UBE2E2: variants seen among roughly 807,000 people sequenced by gnomAD.
The protein encoded by UBE2E2 is ubiquitin conjugating enzyme E2 E2.
UBE2E2 carries 6 observed loss-of-function variants against 24.7 expected under a neutral mutation model. The observed-to-expected ratio is 0.24, with a 90% confidence interval of 0.13 to 0.48. The LOEUF (loss-of-function observed/expected upper bound fraction) is 0.48. Among genes scored for constraint, UBE2E2 ranks in the 20% least tolerant of loss-of-function variants. UBE2E2 has a pLI of 0.99. For synonymous variants in UBE2E2, 104 were observed against 83.6 expected, an observed-to-expected ratio of 1.24 and a Z score of -1.33; for missense variants, 169 against 245.0, an observed-to-expected ratio of 0.69 and a Z score of 2.07.
At chr3:23,384,934 CTTT>C (rs966148804) in intron 3 of UBE2E2, among the ~76,000 whole-genome samples, 1 of 151,284 alleles carries the variant, frequency 6.6e-6, no homozygotes, top group East Asian at 1.9e-4. Flanking sequence ...AATATTTCTT[CTTT>C]TTTTTTCTTT....
At chr3:23,381,241 A>G (rs1284167264) in intron 3 of UBE2E2, among the ~76,000 whole-genome samples, 1 of 152,248 alleles carries the variant, frequency 6.6e-6, no homozygotes, top group East Asian at 1.9e-4. Flanking sequence ...GGTATAGATT[A>G]GCTCTGGATT....
At chr3:23,429,841 A>G (rs1698015171) in intron 3 of UBE2E2, among the ~76,000 whole-genome samples, 1 of 152,246 alleles carries the variant, frequency 6.6e-6, no homozygotes, top group African/African-American at 2.4e-5. Context: ...CAAGATTAAT[A>G]TACAAATGTC....
At chr3:23,258,103 G>A (rs914946189) in intron 3 of UBE2E2, among the ~76,000 whole-genome samples, 1 of 152,154 alleles carries the variant, frequency 6.6e-6, no homozygotes, top group Non-Finnish European at 1.5e-5. Context: ...CATAGGAATG[G>A]GATTGGAATG....
intron 3 of UBE2E2, among the ~76,000 whole-genome samples, chr3:23,227,388 T>C (rs1483390605): frequency 6.6e-6 from 1 of 152,232 alleles, no homozygotes; most frequent in South Asian, 2.1e-4. Context: ...GGAGGCATAT[T>C]ATTGGTAAAC....
intron 1 of UBE2E2, among the ~76,000 whole-genome samples, chr3:23,208,125 C>T (rs984049341): frequency 1.3e-5 from 2 of 151,808 alleles, no homozygotes; most frequent in African/African-American, 4.8e-5. Flanking sequence ...TTGTAGAGAT[C>T]GAGTCCCACT....
chr3:23,509,523 T>C (rs953128886), intron 4 of UBE2E2, among the ~76,000 whole-genome samples: 3 of 152,200 alleles, frequency 2.0e-5, no homozygotes, highest in African/African-American at 7.2e-5. Context: ...CTGCCAAATA[T>C]CAATCCCTTT....
At chr3:23,203,133 C>T, upstream of UBE2E2, 1 of 983,526 alleles carries the variant, frequency 1.0e-6, no homozygotes, top group Non-Finnish European at 1.2e-6. Context: ...GACGGCCGGG[C>T]GGCGGCGGCT....
chr3:23,302,633 A>G (rs994733877), intron 3 of UBE2E2, among the ~76,000 whole-genome samples: 2 of 152,216 alleles, frequency 1.3e-5, no homozygotes, highest in Non-Finnish European at 2.9e-5. Flanking sequence ...TCATCTGTGC[A>G]TTGTATAAAT....
In UBE2E2 at chr3:23,407,547, A is replaced by G. The variant is rs571323634; in HGVS notation, c.228-92061A>G. ...TCTTTCACTACCGTCAACATTTGCT[A>G]CATCCTTTATCTCCTCTGCGCCCCT... On this transcript the variant is annotated intron_variant, in intron 3 of 5. Transcript: ENST00000396703. This position sits in a 1 kb window ranked among gnomAD's most constrained non-coding sequence, Gnocchi z 4.0. 2.0e-5 allele frequency among the ~76,000 whole-genome samples: 3 copies of G among 151,260 alleles called. No homozygotes were observed. Among genetic ancestry groups the G allele is most frequent in the South Asian group, 4.2e-4 (2 of 4,722 alleles).
At chr3:23,310,793 G>A (rs1455048824) in intron 3 of UBE2E2, among the ~76,000 whole-genome samples, 2 of 152,132 alleles carry the variant, frequency 1.3e-5, no homozygotes, top group African/African-American at 4.8e-5. Flanking sequence ...GAGTGTGAAA[G>A]CAGAGCTGTG....
intron 3 of UBE2E2, among the ~76,000 whole-genome samples, chr3:23,364,782 A>G (rs906663307): frequency 6.6e-6 from 1 of 152,186 alleles, no homozygotes; most frequent in African/African-American, 2.4e-5. Flanking sequence ...TGAGGCTAGC[A>G]TCATTATGAT....
At chr3:23,362,819 G>A (rs559349261) in intron 3 of UBE2E2, among the ~76,000 whole-genome samples, 1 of 152,136 alleles carries the variant, frequency 6.6e-6, no homozygotes, top group African/African-American at 2.4e-5. Flanking sequence ...AGAACTTCTG[G>A]CAAACAGTCC....
intron 3 of UBE2E2, among the ~76,000 whole-genome samples, chr3:23,231,569 A>G (rs556287397): frequency 6.6e-6 from 1 of 152,310 alleles, no homozygotes; most frequent in African/African-American, 2.4e-5. Context: ...TCATCAAGCA[A>G]TTGAATCAGT....
chr3:23,472,945 G>A (rs960530053), intron 3 of UBE2E2, among the ~76,000 whole-genome samples: 1 of 152,012 alleles, frequency 6.6e-6, no homozygotes, highest in African/African-American at 2.4e-5. Context: ...GAGCCACTGT[G>A]TCTGGCCCTG....
At chr3:23,534,984 T>C (rs1003371777) in intron 5 of UBE2E2, among the ~76,000 whole-genome samples, 2 of 152,234 alleles carry the variant, frequency 1.3e-5, no homozygotes, top group Non-Finnish European at 2.9e-5. Flanking sequence ...TTCATACTCT[T>C]TTTGTAATTT....
At chr3:23,573,458 A>G (rs1415123283) in intron 5 of UBE2E2, among the ~76,000 whole-genome samples, 3 of 152,208 alleles carry the variant, frequency 2.0e-5, no homozygotes, top group East Asian at 1.9e-4. Flanking sequence ...TTTTCCACAC[A>G]TAATAGATGA....
At chr3:23,357,169 G>A (rs933729506) in intron 3 of UBE2E2, among the ~76,000 whole-genome samples, 5 of 152,192 alleles carry the variant, frequency 3.3e-5, no homozygotes, top group South Asian at 2.1e-4. Flanking sequence ...TGCATGGGCC[G>A]GAAGGAATGG....
chr3:23,569,059 G>A (rs1237444612), intron 5 of UBE2E2, among the ~76,000 whole-genome samples: 1 of 151,984 alleles, frequency 6.6e-6, no homozygotes, highest in Non-Finnish European at 1.5e-5. Flanking sequence ...ATTTGTAATA[G>A]CCAAAAAGTG....
At chr3:23,534,132 T>C in intron 5 of UBE2E2, 2 of 810,158 alleles carry the variant, frequency 2.5e-6, no homozygotes, top group Non-Finnish European at 3.0e-6. Context: ...AGAAGGCTTT[T>C]TTTTTTTTTT....
Sources: allele counts gnomAD v4.1 joint callset (sites outside exome capture counted in the v4.1 genomes callset), GRCh38; gene constraint gnomAD v4.1.1; non-coding constraint Gnocchi (gnomAD v3.1); transcripts MANE v1.5; gene names NCBI Gene and HGNC (gene_info 2026-07-23, HGNC 2026-07-21).